ACAP1: variants seen among roughly 807,000 people sequenced by gnomAD.
The protein encoded by ACAP1 is arf-GAP with coiled-coil, ANK repeat and PH domain-containing protein 1.
In ACAP1, 45 loss-of-function variants were observed where a neutral mutation model predicts 98.8. That is an observed-to-expected ratio of 0.46 (90% CI 0.36 to 0.58). The LOEUF (loss-of-function observed/expected upper bound fraction) is 0.58, where lower values mean the gene tolerates loss of function less well. ACAP1 is among the 20% of genes least tolerant of loss of function. The pLI is 0.00. For synonymous variants in ACAP1, 362 were observed against 375.3 expected (o/e 0.96, Z 0.41); for missense variants, 735 against 971.4 (o/e 0.76, Z 3.24).
intron 17 of ACAP1, 95 bp from the exon 18 acceptor site, chr17:7,348,900 G>A (rs776452332): frequency 1.8e-4 from 210 of 1,170,874 alleles, no homozygotes; most frequent in Non-Finnish European, 2.1e-4. Context: ...TCATTTAGAA[G>A]AGACCTGTCC....
chr17:7,341,985 G>T lies in ACAP1; in HGVS notation c.149G>T (p.Arg50Leu), dbSNP rs748247131. The change falls in exon 3 of 22, where the codon CGC becomes CTC. Residue 50 changes from arginine to leucine, a missense_variant. Around this residue, in one of 5 missense-constraint regions of ACAP1, gnomAD observed 430 missense variants for 531.8 expected, o/e 0.81. Transcript: ENST00000158762. ...GGCACTGGTCTCCTGGAAAGTGGGC[G>T]CCATTACCTTGCTGCCAGCCGCGCC... The part of the protein sequence containing the change: ...KLGTGLLESG[R>L]HYLAASRAFV... 6.2e-7 allele frequency: 1 copy of T among 1,614,142 alleles called. No individual in the cohort carries two copies. The highest frequency in any genetic ancestry group is 8.5e-7 in the Non-Finnish European group (1 of 1,180,012).
chr17:7,338,533 C>T (rs962057577), intron 2 of ACAP1, among the ~76,000 whole-genome samples: 3 of 151,192 alleles, frequency 2.0e-5, no homozygotes, highest in Admixed American at 6.6e-5. Context: ...AAAGTGCTGG[C>T]ATTACAGGCT....
chr17:7,343,542 G>A lies in ACAP1; in HGVS notation c.508G>A (p.Ala170Thr). The A allele has an allele frequency of 6.2e-7, 1 of 1,613,548 alleles. No homozygotes were observed. Among genetic ancestry groups the A allele is most frequent in the Non-Finnish European group, 8.5e-7 (1 of 1,179,668 alleles). The change falls in exon 6 of 22, where the codon GCA becomes ACA. Residue 170 changes from alanine to threonine, a missense_variant. Ala to Thr is a moderately conservative substitution (Grantham distance 58). This residue lies in a region of ACAP1 where 430 missense variants were observed against 531.8 expected (regional missense o/e 0.81). Coordinates refer to ENST00000158762, the MANE Select transcript of ACAP1 (RefSeq NM_014716.4). This position sits in a 1 kb window ranked among gnomAD's most constrained non-coding sequence, Gnocchi z 4.9. ...RTARAGYRGR[A>T]LDYALQINVI... ...GGCTCGAGCTGGGTACCGGGGACGG[G>A]CACTGGATTATGCCCTGCAGGTGCC... is the stretch of plus-strand genomic sequence containing the variant.
Position 7,343,459 on chromosome 17 carries a change from C to T in ACAP1, c.425C>T (p.Ala142Val), listed in dbSNP as rs764540128. The T allele has an allele frequency of 1.9e-6, 3 of 1,614,150 alleles. No individual in the cohort carries two copies. Among genetic ancestry groups the T allele is most frequent in the East Asian group, 2.2e-5 (1 of 44,876 alleles). ...ESLEAALTHN[A>V]EVPRRRAQEA... is the part of the protein sequence containing the mutation. ...CTGGAGGCTGCCCTGACCCACAACG[C>T]AGAGGTTCCCAGGCGCCGGGCCCAG... Residue 142 changes from alanine (A) to valine (V), a missense_variant, in exon 6 of 22, where the codon GCA becomes GTA. Physicochemically the swap from Ala to Val is moderately conservative, Grantham distance 64. Around this residue, in one of 5 missense-constraint regions of ACAP1, gnomAD observed 430 missense variants for 531.8 expected, o/e 0.81. Coordinates refer to ENST00000158762, the MANE Select transcript of ACAP1 (RefSeq NM_014716.4). This position sits in a 1 kb window ranked among gnomAD's most constrained non-coding sequence, Gnocchi z 4.9.
intron 17 of ACAP1, chr17:7,348,713 G>A: frequency 6.8e-6 from 4 of 585,028 alleles, no homozygotes; most frequent in Admixed American, 6.6e-5. Flanking sequence ...AGAGAGAGAG[G>A]GGGTGGGTTT....
chr17:7,341,068 T>G (rs2073271709), intron 2 of ACAP1, among the ~76,000 whole-genome samples: 1 of 152,166 alleles, frequency 6.6e-6, no homozygotes, highest in South Asian at 2.1e-4. Context: ...ACCCGTGGTC[T>G]AGATGATGGA....
chr17:7,336,691 G>A lies in ACAP1; in HGVS notation c.-44G>A, dbSNP rs754318555. ...AGTGCCTCCACCTGCATCCCCAGGG[G>A]CCCGGCCTCCAGGGCCCGCTGGCCC... On this transcript the variant is annotated 5_prime_UTR_variant, in exon 1 of 22. Coordinates refer to ENST00000158762, the MANE Select transcript of ACAP1 (RefSeq NM_014716.4). 1.2e-6 allele frequency: 2 copies of A among 1,611,562 alleles called. No homozygotes were observed. Among genetic ancestry groups the A allele is most frequent in the Non-Finnish European group, 1.7e-6 (2 of 1,178,086 alleles).
At chr17:7,341,368 A>G (rs929839193) in intron 2 of ACAP1, among the ~76,000 whole-genome samples, 3 of 152,098 alleles carry the variant, frequency 2.0e-5, no homozygotes, top group African/African-American at 4.8e-5. Context: ...TAGCCTCCCA[A>G]GTAGCTGGGA....
chr17:7,350,887 G>T lies in ACAP1; in HGVS notation c.2073-63G>T, dbSNP rs1597656662. On this transcript the variant is annotated intron_variant, in intron 20 of 21. Transcript: ENST00000158762. The surrounding 1 kb of genome is among the most constrained non-coding windows in gnomAD (Gnocchi z 4.6). The stretch of plus-strand genomic sequence containing the variant: ...GGCCTCCCAAAGTGTTGGGATTACA[G>T]GCGTGAGCCACCGCGCCCGGCCAAA... 1 of 1,557,490 alleles carries T rather than the reference G, an allele frequency of 6.4e-7. No individual in the cohort carries two copies. Among genetic ancestry groups the T allele is most frequent in the East Asian group, 2.2e-5 (1 of 44,516 alleles).
At chr17:7,336,852 C>A in intron 1 of ACAP1, 65 bp downstream of exon 1, 1 of 1,555,952 alleles carries the variant, frequency 6.4e-7, no homozygotes, top group South Asian at 1.1e-5. Context: ...ACACACACAC[C>A]TTTCCCCAGG....
At position 7,350,769 on chromosome 17, in the gene ACAP1, C is replaced by T; in HGVS notation, c.2073-181C>T. ...GGGACTACAGGCGTGCGCCACCACC[C>T]CCGGCTAATTTTTTGTATTTTTAGT... On this transcript the variant is annotated intron_variant, in intron 20 of 21. Transcript: ENST00000158762. The surrounding 1 kb of genome is among the most constrained non-coding windows in gnomAD (Gnocchi z 4.6). 3.5e-6 allele frequency: 2 copies of T among 575,540 alleles called. No individual in the cohort carries two copies. The highest frequency in any genetic ancestry group is 2.9e-5 in the Admixed American group (1 of 34,444). 35.7% of individuals were successfully genotyped at this position (575,540 alleles called of 1,614,324 possible).
intron 2 of ACAP1, among the ~76,000 whole-genome samples, chr17:7,339,857 G>A (rs371316198): frequency 1.3e-5 from 2 of 152,008 alleles, no homozygotes; most frequent in African/African-American, 4.8e-5. Flanking sequence ...TGTGGTAACC[G>A]CTGATTTGTT....
chr17:7,339,607 A>G (rs959180470), intron 2 of ACAP1, among the ~76,000 whole-genome samples: 1 of 151,788 alleles, frequency 6.6e-6, no homozygotes, highest in African/African-American at 2.4e-5. Flanking sequence ...ATGAGCCGAG[A>G]TCGTGCCACT....
In ACAP1 at chr17:7,344,195, T is replaced by C. The variant is rs1169176763; in HGVS notation, c.744+72T>C. The C allele has an allele frequency of 2.0e-6, 3 of 1,491,444 alleles. No individual in the cohort carries two copies. In the African/African-American group the frequency reaches 4.2e-5, roughly 21 times the overall value. 92.4% of individuals were successfully genotyped at this position (1,491,444 alleles called of 1,614,324 possible). A position where few individuals can be genotyped will look rare whatever the true frequency, so the allele number is the denominator to read the frequency against. ...GGGAGGCTGAGGTGGGAAGATTGCT[T>C]GAGGCCTGGAGTTCAAGATTAGCCT... On this transcript the variant is annotated intron_variant, in intron 9 of 21. Coordinates refer to ENST00000158762, the MANE Select transcript of ACAP1 (RefSeq NM_014716.4). The surrounding 1 kb of genome is among the most constrained non-coding windows in gnomAD (Gnocchi z 4.9).
rs2073221309 is a variant in ACAP1, at chr17:7,336,586, G to A, written c.-149G>A. The A allele has an allele frequency of 1.3e-6, 1 of 773,410 alleles. No individual in the cohort carries two copies. The highest frequency in any genetic ancestry group is 2.2e-6 in the Non-Finnish European group (1 of 454,588). 47.9% of individuals were successfully genotyped at this position (773,410 alleles called of 1,614,324 possible). On this transcript the variant is annotated 5_prime_UTR_variant, in exon 1 of 22. Transcript: ENST00000158762. ...TCCTAGGACACCCCTTTCCCCTTGG[G>A]GAAAGAATTGTGCCCCCAGGCCCTT...
In ACAP1 at chr17:7,350,611, C is replaced by CTT. The variant is rs35927903; in HGVS notation, c.2073-325_2073-324dup. On this transcript the variant is annotated intron_variant, in intron 20 of 21. Transcript: ENST00000158762. This position sits in a 1 kb window ranked among gnomAD's most constrained non-coding sequence, Gnocchi z 4.6. ...AAGTTGTGGGGGAGGTGAGGATAGT[C>CTT]TTTTTTTTTTTTTTTGAGACGGAGT... The CTT allele has an allele frequency of 5.1e-4, 135 of 264,132 alleles. No homozygotes were observed. The highest frequency in any genetic ancestry group is 1.6e-3 in the South Asian group (37 of 22,832). 16.4% of individuals were successfully genotyped at this position (264,132 alleles called of 1,614,324 possible).
At chr17:7,341,747 G>C (rs1567628616) in intron 2 of ACAP1, among the ~76,000 whole-genome samples, 1 of 152,218 alleles carries the variant, frequency 6.6e-6, no homozygotes, top group African/African-American at 2.4e-5. Context: ...CCAAGGCAGT[G>C]GGAGCAAAGA....
rs778683462 is a variant in ACAP1 at position 7,346,251 on chromosome 17, T to TTCAC, written c.863_866dup (p.Ile290HisfsTer23). 6.2e-7 allele frequency: 1 copy of TTCAC among 1,614,176 alleles called. No individual in the cohort carries two copies. On this transcript the variant is annotated frameshift_variant, in exon 11 of 22. Coordinates refer to ENST00000158762, the MANE Select transcript of ACAP1 (RefSeq NM_014716.4). LOFTEE classifies it high-confidence loss of function. The stretch of plus-strand genomic sequence containing the variant: ...GATTTCCTTCTCTTACAGACGCTGG[T>TTCAC]TCACCATTCAGAGCAACCAACTGGT...
rs751191504 is a variant in ACAP1, at chr17:7,347,107, G to T, written c.1208G>T (p.Gly403Val). The change falls in exon 14 of 22, where the codon GGA becomes GTA. Residue 403 changes from glycine to valine, a missense_variant. Transcript: ENST00000158762. ...GGMARGREPGGVGHVVAQVQS... is the reference protein window; with the variant it reads ...GGMARGREPGVVGHVVAQVQS... Reference sequence around the variant, plus strand: ...ATGGCCAGGGGAAGGGAGCCTGGGGGAGTCGGGCACGTGGTGGCCCAGGTC... The same window carrying T: ...ATGGCCAGGGGAAGGGAGCCTGGGGTAGTCGGGCACGTGGTGGCCCAGGTC... 6.2e-7 allele frequency: 1 copy of T among 1,613,540 alleles called. No homozygotes were observed. The highest frequency in any genetic ancestry group is 8.5e-7 in the Non-Finnish European group (1 of 1,179,772).
Sources: gnomAD v4.1 joint callset for allele counts (sites outside exome capture counted in the v4.1 genomes callset) on GRCh38, gnomAD v4.1.1 for gene constraint, gnomAD v4.1.1 regional missense constraint, Gnocchi (gnomAD v3.1) non-coding constraint, MANE v1.5 for transcripts, NCBI Gene and HGNC (gene_info 2026-07-23, HGNC 2026-07-21) for gene names.